The following MCC variants were observed in gnomAD, a reference collection of about 807,000 sequenced individuals.
MCC encodes colorectal mutant cancer protein.
MCC carries 90 observed loss-of-function variants against 116.2 expected under a neutral mutation model. The observed-to-expected ratio is 0.77, with a 90% confidence interval of 0.65 to 0.92. MCC has a LOEUF of 0.92. MCC is among the 40% of genes least tolerant of loss of function. MCC has a pLI of 0.00. For missense variants in MCC, 1,516 were observed against 1,312.2 expected (o/e 1.16, Z -2.40); for synonymous variants, 578 against 510.5 (o/e 1.13, Z -1.78).
chr5:113,242,033 T>C (rs1764388181), intron 3 of MCC, among the ~76,000 whole-genome samples: 1 of 152,216 alleles, frequency 6.6e-6, no homozygotes, highest in Admixed American at 6.5e-5. Flanking sequence ...ATGAACACCC[T>C]CCTTCTCATA....
intron 3 of MCC, among the ~76,000 whole-genome samples, chr5:113,302,371 A>G (rs904150938): frequency 1.3e-5 from 2 of 152,230 alleles, no homozygotes; most frequent in Non-Finnish European, 2.9e-5. Flanking sequence ...AAAACTCTGC[A>G]TATTAAAAGA....
intron 1 of MCC, among the ~76,000 whole-genome samples, chr5:113,414,982 C>T (rs1292875909): frequency 2.0e-5 from 3 of 152,144 alleles, no homozygotes; most frequent in East Asian, 3.8e-4. Flanking sequence ...AATCTATCAG[C>T]ATTTGCTTGT....
chr5:113,151,308 C>G lies in MCC; in HGVS notation c.741+1G>C. ...ACTAAAAACCTTTCCAGATCCCTTACCTGTGCCTTGGCCAATTTCTTTTCC... is the reference window on the plus strand; with the variant it reads ...ACTAAAAACCTTTCCAGATCCCTTAGCTGTGCCTTGGCCAATTTCTTTTCC... On this transcript the variant is annotated splice_donor_variant, in intron 4 of 18. Transcript: ENST00000408903. LOFTEE classifies it high-confidence loss of function. 1.2e-6 allele frequency: 2 copies of G among 1,600,636 alleles called. No individual in the cohort carries two copies. The highest frequency in any genetic ancestry group is 1.7e-6 in the Non-Finnish European group (2 of 1,168,828).
intron 17 of MCC, among the ~76,000 whole-genome samples, chr5:113,032,892 T>C (rs1751057396): frequency 6.6e-6 from 1 of 152,200 alleles, no homozygotes; most frequent in Admixed American, 6.5e-5. Flanking sequence ...AGTTTACAAA[T>C]GCCATGGCAA....
intron 3 of MCC, among the ~76,000 whole-genome samples, chr5:113,221,031 T>A (rs775999961): frequency 4.6e-5 from 7 of 152,154 alleles, no homozygotes; most frequent in Non-Finnish European, 8.8e-5. Context: ...GGCAAAACCA[T>A]GTCTCTACCA....
chr5:113,157,205 C>A (rs1371433398), intron 3 of MCC, among the ~76,000 whole-genome samples: 1 of 152,212 alleles, frequency 6.6e-6, no homozygotes, highest in Non-Finnish European at 1.5e-5. Context: ...AGCAGACATG[C>A]CTACACTACC....
chr5:113,487,896 G>T lies in MCC; in HGVS notation c.170+349C>A, dbSNP rs760685148. On this transcript the variant is annotated intron_variant, in intron 1 of 18. Transcript: ENST00000408903. ...TCTTGATGCCCAGGACCCCGAGGCT[G>T]TGGGGCAGCCCCTCCTACCTGGGAC... Among the ~76,000 whole-genome samples, 88 of 152,336 alleles carry T rather than the reference G, an allele frequency of 5.8e-4. 1 individual carries two copies. The Middle Eastern group carries it at 0.014, about 24-fold the overall frequency.
intron 1 of MCC, among the ~76,000 whole-genome samples, chr5:113,414,170 C>T (rs929973088): frequency 2.0e-5 from 3 of 151,258 alleles, no homozygotes; most frequent in Non-Finnish European, 3.0e-5. Flanking sequence ...TTTACATTTA[C>T]ATATGCTTTA....
In MCC at chr5:113,215,889, C is replaced by T. The variant is rs181764620; in HGVS notation, c.628-64467G>A. Among the ~76,000 whole-genome samples, 6 of 152,308 alleles carry T rather than the reference C, an allele frequency of 3.9e-5. No homozygotes were observed. The East Asian group carries it at 1.2e-3, about 29-fold the overall frequency. On this transcript the variant is annotated intron_variant, in intron 3 of 18. Coordinates refer to ENST00000408903, the MANE Select transcript of MCC (RefSeq NM_001085377.2). ...TCTACAAATATTTAGTAAATGCCTA[C>T]ACTCAGTAGGGGCTGGAATGACCAC...
At chr5:113,368,317 T>C (rs996575360) in intron 2 of MCC, among the ~76,000 whole-genome samples, 3 of 152,220 alleles carry the variant, frequency 2.0e-5, no homozygotes, top group African/African-American at 7.2e-5. Context: ...AGAGTTTATC[T>C]TTTATGCTAG....
chr5:113,443,912 C>T (rs912638322), intron 1 of MCC, among the ~76,000 whole-genome samples: 4 of 152,044 alleles, frequency 2.6e-5, no homozygotes, highest in African/African-American at 7.2e-5. Context: ...CAACCTCCAC[C>T]TCCTGGTTCA....
chr5:113,343,427 T>C (rs373644868), intron 2 of MCC, among the ~76,000 whole-genome samples: 84 of 152,322 alleles, frequency 5.5e-4, no homozygotes, highest in African/African-American at 1.9e-3. Context: ...AAATGCCTGC[T>C]CTCCCTCCCC....
At chr5:113,142,789 T>A (rs1230054387) in intron 5 of MCC, among the ~76,000 whole-genome samples, 1 of 152,082 alleles carries the variant, frequency 6.6e-6, no homozygotes, top group Non-Finnish European at 1.5e-5. Flanking sequence ...TCTCTCAAAA[T>A]CTCCAAGGGA....
intron 3 of MCC, among the ~76,000 whole-genome samples, chr5:113,293,807 C>A (rs999341464): frequency 2.0e-5 from 3 of 152,134 alleles, no homozygotes; most frequent in Non-Finnish European, 4.4e-5. Flanking sequence ...CCCTCCCCAG[C>A]GCGGGTCATT....
intron 3 of MCC, among the ~76,000 whole-genome samples, chr5:113,322,417 GAAGAA>G (rs1370152801): frequency 6.6e-6 from 1 of 151,970 alleles, no homozygotes; most frequent in Non-Finnish European, 1.5e-5. Flanking sequence ...TACAGAAAAA[GAAGAA>G]AAGACATATC....
intron 16 of MCC, among the ~76,000 whole-genome samples, chr5:113,048,249 C>A (rs1048180405): frequency 6.6e-6 from 1 of 152,168 alleles, no homozygotes; most frequent in Non-Finnish European, 1.5e-5. Context: ...TCTGTGGTTT[C>A]GGTTCCTCAA....
chr5:113,114,488 C>A (rs542456024), intron 6 of MCC, among the ~76,000 whole-genome samples: 2 of 152,154 alleles, frequency 1.3e-5, no homozygotes, highest in African/African-American at 4.8e-5. Flanking sequence ...AAGCCCCACC[C>A]TGAAGCCTAT....
chr5:113,153,288 T>G (rs1036348564), intron 3 of MCC, among the ~76,000 whole-genome samples: 6 of 152,082 alleles, frequency 3.9e-5, no homozygotes, highest in African/African-American at 1.2e-4. Context: ...CTCCTACTTC[T>G]GGGGGAAAGG....
At chr5:113,096,018 G>A (rs1232293865) in intron 8 of MCC, among the ~76,000 whole-genome samples, 5 of 152,156 alleles carry the variant, frequency 3.3e-5, no homozygotes, top group African/African-American at 7.2e-5. Flanking sequence ...CGGGGTGCCT[G>A]TACCCTGGTG....
Sources: allele counts gnomAD v4.1 joint callset (sites outside exome capture counted in the v4.1 genomes callset), GRCh38; gene constraint gnomAD v4.1.1; transcripts MANE v1.5; gene names NCBI Gene and HGNC (gene_info 2026-07-23, HGNC 2026-07-21).